ATXN2L: variants seen among roughly 807,000 people sequenced by gnomAD.
ATXN2L encodes ataxin 2 like.
Under a neutral mutation model 120.7 loss-of-function variants are expected in ATXN2L, and 24 were observed. That is an observed-to-expected ratio of 0.20 (90% confidence interval 0.14 to 0.28). ATXN2L has a LOEUF of 0.28. Among genes scored for constraint, ATXN2L ranks in the 10% least tolerant of loss-of-function variants. The pLI is 1.00. For missense variants in ATXN2L, 1,312 were observed against 1,432.3 expected (o/e 0.92, Z 1.36); for synonymous variants, 653 against 568.1 (o/e 1.15, Z -2.13).
chr16:28,832,329 A>T lies in ATXN2L; in HGVS notation c.1446A>T (p.Ser482=). 6.2e-7 allele frequency: 1 copy of T among 1,614,014 alleles called. No homozygotes were observed. Among genetic ancestry groups the T allele is most frequent in the Non-Finnish European group, 8.5e-7 (1 of 1,180,002 alleles). ...CTTCAGCCTCCATCCCTGTGACCTC[A>T]TCAGTCTCAGATCCTGGAGTGGGCT... ...PTSSASIPVT[S]SVSDPGVGSI... is the part of the protein sequence containing the mutation. Residue 482 remains serine (S), a synonymous_variant, in exon 11 of 22, where the codon TCA becomes TCT. Transcript: ENST00000336783.
rs749199841 is a variant in ATXN2L, at chr16:28,835,628, C to G, written c.2765C>G (p.Thr922Arg). Residue 922 changes from threonine (T) to arginine (R), a missense_variant, in exon 21 of 22, where the codon ACG becomes AGG. Transcript: ENST00000336783. ...TACCACCCAGGGGCCCTGACAGGCACGCCGCCCTCTCTGCCACCGGGACCT... is the reference window on the plus strand; with the variant it reads ...TACCACCCAGGGGCCCTGACAGGCAGGCCGCCCTCTCTGCCACCGGGACCT... ...NLYHPGALTG[T>R]PPSLPPGPSA... The G allele has an allele frequency of 6.2e-7, 1 of 1,614,060 alleles. No homozygotes were observed.
At position 28,825,492 on chromosome 16, in the gene ATXN2L, C is replaced by T. The variant is rs1314738208; in HGVS notation, c.336+90C>T. 20 of 1,543,974 alleles carry T rather than the reference C, an allele frequency of 1.3e-5. No individual in the cohort carries two copies. In the Admixed American group the frequency reaches 2.3e-4, roughly 18 times the overall value. On this transcript the variant is annotated intron_variant, in intron 2 of 21. Coordinates refer to ENST00000336783, the MANE Select transcript of ATXN2L (RefSeq NM_007245.4). ...AGGGCACATTAGGTCTAGATAGAGT[C>T]TAATGTACTCAGGAGGGCTGTGGGC...
rs190469487 is a variant in ATXN2L, at chr16:28,835,878, C to G, written c.2896-55C>G. ...CATAGTGCTCCCTAACTCTGGCTCT[C>G]AGAGTCTGTTTCAGGATTCTGTGGT... On this transcript the variant is annotated intron_variant, in intron 21 of 21. Coordinates refer to ENST00000336783, the MANE Select transcript of ATXN2L (RefSeq NM_007245.4). 29 of 1,568,590 alleles carry G rather than the reference C, an allele frequency of 1.8e-5. No homozygotes were observed. The Admixed American group carries it at 3.6e-4, about 19-fold the overall frequency.
At chr16:28,834,835 T>C in intron 18 of ATXN2L, 142 bp downstream of exon 18, 1 of 1,218,680 alleles carries the variant, frequency 8.2e-7, no homozygotes, top group African/African-American at 1.5e-5. Flanking sequence ...GGTGTCAGAC[T>C]TGGGCTTGAG....
At chr16:28,826,732 C>CA in intron 5 of ATXN2L, 130 bp from the exon 6 acceptor site, 1 of 1,159,434 alleles carries the variant, frequency 8.6e-7, no homozygotes, top group Non-Finnish European at 1.2e-6. Context: ...CATCCTAACA[C>CA]ACGGGCACAC....
rs766886109 is a variant in ATXN2L at position 28,823,274 on chromosome 16, G to C, written c.15G>C (p.Gln5His). The C allele has an allele frequency of 4.0e-6, 6 of 1,495,830 alleles. No homozygotes were observed. Among genetic ancestry groups the C allele is most frequent in the Admixed American group, 4.3e-5 (2 of 46,106 alleles). The allele number at this position is 1,495,830 out of a possible 1,614,324, so 92.7% of individuals were successfully genotyped here. A position where few individuals can be genotyped will look rare whatever the true frequency, so the allele number is the denominator to read the frequency against. The change falls in exon 1 of 22, where the codon CAG (glutamine) becomes CAC (histidine). Residue 5 changes from glutamine (Q) to histidine (H), a missense_variant. Gln to His is a conservative substitution (Grantham distance 24). Transcript: ENST00000336783. The stretch of plus-strand genomic sequence containing the variant: ...ACGCTGCCATCATGTTGAAGCCTCA[G>C]CCGCTACAACAGCCCTCCCAGCCCC... MLKP[Q>H]PLQQPSQPQQ... is the part of the protein sequence containing the mutation.
rs762557718 is a variant in ATXN2L at position 28,834,606 on chromosome 16, G to A, written c.2346G>A (p.Thr782=). The A allele has an allele frequency of 1.4e-5, 23 of 1,613,618 alleles. No individual in the cohort carries two copies. The highest frequency in any genetic ancestry group is 3.3e-5 in the Admixed American group (2 of 59,998). Residue 782 remains threonine, a synonymous_variant, in exon 18 of 22, where the codon ACG becomes ACA. Transcript: ENST00000336783. ...CTGGCCCGCCTCTGGTGGCTGCCAC[G>A]CCCTATTCTTCCTACATCCCCTACA... ...AAAGPPLVAA[T]PYSSYIPYNP... is the part of the protein sequence containing the mutation.
intron 7 of ATXN2L, 171 bp downstream of exon 7, chr16:28,829,663 C>CT: frequency 1.3e-6 from 1 of 768,722 alleles, no homozygotes; most frequent in Non-Finnish European, 2.1e-6. Context: ...TTTTAAGCGT[C>CT]TTAAGTGCTT....
Position 28,834,195 on chromosome 16 carries a change from T to C in ATXN2L, c.2156T>C (p.Met719Thr). The change falls in exon 16 of 22, where the codon ATG becomes ACG. Residue 719 changes from methionine (M) to threonine (T), a missense_variant. Coordinates refer to ENST00000336783, the MANE Select transcript of ATXN2L (RefSeq NM_007245.4). ...QYISYIPQIH[M>T]GPAVQAPQMY... is the part of the protein sequence containing the mutation. ...ATCTCCTACATACCTCAGATCCACA[T>C]GGGACCAGCTGTGCAGGTATGCAGA... The C allele has an allele frequency of 5.6e-6, 9 of 1,613,938 alleles. No individual in the cohort carries two copies. Among genetic ancestry groups the C allele is most frequent in the Non-Finnish European group, 7.6e-6 (9 of 1,179,918 alleles).
rs769145194 is a variant in ATXN2L, at chr16:28,834,514, C to T, written c.2254C>T (p.Pro752Ser). The change falls in exon 18 of 22, where the codon CCT (proline) becomes TCT (serine). Residue 752 changes from proline (P) to serine (S), a missense_variant. Coordinates refer to ENST00000336783, the MANE Select transcript of ATXN2L (RefSeq NM_007245.4). ...GKYRGAKGSLPPQRSDQHQPA... is the reference protein window; with the variant it reads ...GKYRGAKGSLSPQRSDQHQPA... Reference sequence around the variant, plus strand: ...TCCTCCTCCTCTTCCAGGCTCCCTTCCTCCGCAGCGCTCGGACCAACACCA... The same window carrying T: ...TCCTCCTCCTCTTCCAGGCTCCCTTTCTCCGCAGCGCTCGGACCAACACCA... 1.2e-6 allele frequency: 2 copies of T among 1,611,358 alleles called. No individual in the cohort carries two copies. The highest frequency in any genetic ancestry group is 1.7e-5 in the Admixed American group (1 of 59,994).
At chr16:28,823,928 T>G in intron 1 of ATXN2L, 2 of 241,678 alleles carry the variant, frequency 8.3e-6, no homozygotes, top group African/African-American at 2.3e-5. Context: ...CTTCAGCCAA[T>G]GGGGAGTCTG....
chr16:28,829,566 G>C, intron 7 of ATXN2L, 74 bp downstream of exon 7: 1 of 1,189,662 alleles, frequency 8.4e-7, no homozygotes, highest in South Asian at 1.3e-5. Flanking sequence ...TTTCCAGGTA[G>C]AACATAGTTT....
chr16:28,830,611 T>C lies in ATXN2L; in HGVS notation c.1035-4T>C. 6.4e-7 allele frequency: 1 copy of C among 1,560,686 alleles called. No individual in the cohort carries two copies. The highest frequency in any genetic ancestry group is 1.4e-5 in the African/African-American group (1 of 72,442). ...ACCTGGCCTTATTTGAACTCTTTCC[T>C]CAGGGAGGGGAAGTATATCCCTCTG... On this transcript the variant is annotated splice_polypyrimidine_tract_variant and splice_region_variant and intron_variant, in intron 8 of 21. Coordinates refer to ENST00000336783, the MANE Select transcript of ATXN2L (RefSeq NM_007245.4).
intron 16 of ATXN2L, 37 bp downstream of exon 16, chr16:28,834,248 G>A (rs369549287): frequency 2.5e-6 from 4 of 1,610,686 alleles, no homozygotes; most frequent in Non-Finnish European, 3.4e-6. Context: ...GGGTTAGCGG[G>A]GTGGGATTTG....
In ATXN2L at chr16:28,837,208, TAAAA is replaced by T. The variant is rs369038578; in HGVS notation, c.*948_*951del. The T allele has an allele frequency of 1.4e-4, 24 of 168,516 alleles. No homozygotes were observed. The South Asian group carries it at 2.3e-3, about 16-fold the overall frequency. The allele number at this position is 168,516 out of a possible 1,614,324, so 10.4% of individuals were successfully genotyped here. On this transcript the variant is annotated 3_prime_UTR_variant, in exon 22 of 22. Coordinates refer to ENST00000336783, the MANE Select transcript of ATXN2L (RefSeq NM_007245.4). ...TTACATAAAAATATTAAAAAATAAATAAAAAAAATAAAATTTTAAACTAACTTAA... is the reference window on the plus strand; with the variant it reads ...TTACATAAAAATATTAAAAAATAAATAAAATAAAATTTTAAACTAACTTAA...
At chr16:28,834,729 G>A (rs916933719) in intron 18 of ATXN2L, 36 bp downstream of exon 18, 8 of 1,572,494 alleles carry the variant, frequency 5.1e-6, no homozygotes, top group African/African-American at 1.4e-5. Flanking sequence ...AGGATCCAGG[G>A]CCCCTGCTAG....
At chr16:28,833,890 C>T (rs2055489193) in intron 15 of ATXN2L, 175 bp from the exon 16 acceptor site, 2 of 789,704 alleles carry the variant, frequency 2.5e-6, no homozygotes, top group Admixed American at 2.9e-5. Context: ...CTCTGCCTCA[C>T]CTGTAACTTT....
intron 1 of ATXN2L, chr16:28,824,607 C>T (rs776623474): frequency 7.3e-6 from 9 of 1,240,496 alleles, no homozygotes; most frequent in Admixed American, 2.6e-5. Context: ...TACCCCTCCT[C>T]CCACAGTTTT....
intron 11 of ATXN2L, 47 bp downstream of exon 11, chr16:28,832,446 T>C: frequency 6.2e-7 from 1 of 1,612,370 alleles, no homozygotes; most frequent in Non-Finnish European, 8.5e-7. Flanking sequence ...TTAGTGTGAT[T>C]TGTGGTTCTG....
Sources: allele counts gnomAD v4.1 joint callset, GRCh38; gene constraint gnomAD v4.1.1; transcripts MANE v1.5; gene names NCBI Gene and HGNC (gene_info 2026-07-23, HGNC 2026-07-21).